Variants in EXOC4 observed in about 807,000 individuals in gnomAD.
The protein encoded by EXOC4 is SEC8-like 1.
Under a neutral mutation model 107.2 loss-of-function variants are expected in EXOC4, and 71 were observed. The ratio of observed to expected loss-of-function variants is 0.66; its 90% CI spans 0.55 to 0.81. The LOEUF (loss-of-function observed/expected upper bound fraction) is 0.81, where lower values mean the gene tolerates loss of function less well. EXOC4 is among the 30% of genes least tolerant of loss of function. EXOC4 has a pLI of 0.00. For synonymous variants in EXOC4, 456 were observed against 441.2 expected (o/e 1.03, Z -0.42); for missense variants, 1,108 against 1,189.6 (o/e 0.93, Z 1.01).
intron 2 of EXOC4, among the ~76,000 whole-genome samples, chr7:133,285,296 A>G (rs1794249800): frequency 6.6e-6 from 1 of 152,008 alleles, no homozygotes; most frequent in East Asian, 1.9e-4. Context: ...TATTTCCTGG[A>G]TCCCTTGTTT....
chr7:133,805,132 G>GA (rs931543197), intron 10 of EXOC4, among the ~76,000 whole-genome samples: 3 of 152,192 alleles, frequency 2.0e-5, no homozygotes, highest in South Asian at 2.1e-4. Context: ...AAAACAGGTA[G>GA]AAAAAAAGAC....
At chr7:133,465,203 G>A (rs185920358) in intron 7 of EXOC4, among the ~76,000 whole-genome samples, 3 of 152,228 alleles carry the variant, frequency 2.0e-5, no homozygotes, top group African/African-American at 7.2e-5. Context: ...ATGTAAATAG[G>A]TAGAATGAAC....
chr7:133,818,986 A>G (rs866856688), intron 11 of EXOC4, among the ~76,000 whole-genome samples: 1 of 152,068 alleles, frequency 6.6e-6, no homozygotes. Context: ...TGGGAGGAGA[A>G]AGAGGGTGGG....
chr7:133,660,516 A>G (rs1053734781), intron 10 of EXOC4, among the ~76,000 whole-genome samples: 1 of 152,190 alleles, frequency 6.6e-6, no homozygotes, highest in Non-Finnish European at 1.5e-5. Flanking sequence ...GTATAGCACA[A>G]CGTGTCTTGT....
At chr7:133,576,329 G>A (rs1322818276) in intron 9 of EXOC4, 2 of 443,406 alleles carry the variant, frequency 4.5e-6, no homozygotes, top group Non-Finnish European at 7.6e-6. Flanking sequence ...TGTGTTGGTT[G>A]AGATAATTGG....
At chr7:133,910,157 G>C (rs901598450) in intron 12 of EXOC4, among the ~76,000 whole-genome samples, 1 of 152,024 alleles carries the variant, frequency 6.6e-6, no homozygotes, top group African/African-American at 2.4e-5. Flanking sequence ...CCTGACCTCA[G>C]GTGATCCACC....
Position 133,950,088 on chromosome 7 carries a change from T to C in EXOC4, c.2206+12019T>C, listed in dbSNP as rs548492639. ...CCATTCTGCTAAAACACACAGTGTA[T>C]GGCAAAGATGAGGTATTATGAAGCC... On this transcript the variant is annotated intron_variant, in intron 14 of 17. Coordinates refer to ENST00000253861, the MANE Select transcript of EXOC4 (RefSeq NM_021807.4). Among the ~76,000 whole-genome samples the C allele has an allele frequency of 3.9e-5, 6 of 152,316 alleles. 1 individual carries two copies. The South Asian group carries it at 8.3e-4, about 21-fold the overall frequency.
chr7:134,031,501 A>G (rs1218327275), intron 17 of EXOC4, among the ~76,000 whole-genome samples: 4 of 152,308 alleles, frequency 2.6e-5, no homozygotes, highest in South Asian at 2.1e-4. Flanking sequence ...TGTCATTACT[A>G]TCATCACTGT....
intron 10 of EXOC4, among the ~76,000 whole-genome samples, chr7:133,690,087 A>G (rs1794387684): frequency 6.6e-6 from 1 of 152,166 alleles, no homozygotes; most frequent in Non-Finnish European, 1.5e-5. Flanking sequence ...AGATTTGGCT[A>G]TCATCTCTCT....
intron 9 of EXOC4, among the ~76,000 whole-genome samples, chr7:133,604,922 A>T (rs1801903316): frequency 6.6e-6 from 1 of 150,490 alleles, no homozygotes; most frequent in East Asian, 1.9e-4. Context: ...ATGAGATTTC[A>T]CCATGCTGTC....
intron 9 of EXOC4, among the ~76,000 whole-genome samples, chr7:133,571,679 C>CAAAAAAA (rs79894289): frequency 8.9e-6 from 1 of 112,208 alleles, no homozygotes. Flanking sequence ...TGCCTCAAAG[C>CAAAAAAA]AAAAAAAAAA....
At chr7:133,956,032 A>G (rs1308380239) in intron 14 of EXOC4, among the ~76,000 whole-genome samples, 2 of 152,186 alleles carry the variant, frequency 1.3e-5, no homozygotes, top group Non-Finnish European at 2.9e-5. Context: ...CTGGGAGGGC[A>G]GGGCTCCTGC....
intron 17 of EXOC4, among the ~76,000 whole-genome samples, chr7:134,028,269 T>C (rs1351715782): frequency 2.6e-5 from 4 of 152,244 alleles, no homozygotes; most frequent in African/African-American, 9.6e-5. Context: ...CATACTCAAG[T>C]CCTTGTTGCT....
chr7:133,818,780 C>T (rs551961348), intron 11 of EXOC4, among the ~76,000 whole-genome samples: 3 of 152,166 alleles, frequency 2.0e-5, no homozygotes, highest in African/African-American at 7.2e-5. Context: ...CTTTTCCTGA[C>T]TGTCCTACCT....
At chr7:133,997,341 A>G in intron 14 of EXOC4, 151 bp from the exon 15 acceptor site, 1 of 712,620 alleles carries the variant, frequency 1.4e-6, no homozygotes, top group Non-Finnish European at 2.3e-6. Context: ...TCAAATATAG[A>G]AATTGTCTAT....
intron 7 of EXOC4, among the ~76,000 whole-genome samples, chr7:133,469,144 G>A (rs1036325762): frequency 9.9e-5 from 15 of 152,148 alleles, no homozygotes; most frequent in East Asian, 1.9e-4. Flanking sequence ...GGGGCAGGAC[G>A]CAGTGGCTCA....
At chr7:133,452,785 G>A (rs1195451488) in intron 7 of EXOC4, among the ~76,000 whole-genome samples, 2 of 151,864 alleles carry the variant, frequency 1.3e-5, no homozygotes, top group Non-Finnish European at 2.9e-5. Context: ...AAACTACTCA[G>A]CTTTGTGTTC....
chr7:133,324,512 G>A (rs1030351972), intron 5 of EXOC4, among the ~76,000 whole-genome samples: 1 of 152,268 alleles, frequency 6.6e-6, no homozygotes, highest in Non-Finnish European at 1.5e-5. Context: ...CCATGTAGTT[G>A]TGTGATTTTG....
chr7:134,009,846 C>A (rs538456725), intron 17 of EXOC4: 1 of 152,164 alleles, frequency 6.6e-6, no homozygotes, highest in East Asian at 1.9e-4. Context: ...CAGTCTGGGG[C>A]CTGAAAAACC....
Sources: gnomAD v4.1 joint callset for allele counts (sites outside exome capture counted in the v4.1 genomes callset) on GRCh38, gnomAD v4.1.1 for gene constraint, MANE v1.5 for transcripts, NCBI Gene and HGNC (gene_info 2026-07-23, HGNC 2026-07-21) for gene names.